The following BAIAP2L2 variants were observed in gnomAD, a reference collection of about 807,000 sequenced individuals.
The protein encoded by BAIAP2L2 is BAR/IMD domain containing adaptor protein 2 like 2.
BAIAP2L2 carries 65 observed loss-of-function variants against 60.4 expected under a neutral mutation model. The observed-to-expected ratio is 1.08, with a 90% CI of 0.88 to 1.32. The LOEUF (loss-of-function observed/expected upper bound fraction) is 1.32. Among genes scored for constraint, BAIAP2L2 ranks in the 40% most tolerant of loss-of-function variants. The pLI, the probability that BAIAP2L2 is intolerant of heterozygous loss-of-function variation, is 0.00. For missense variants in BAIAP2L2, 836 were observed against 741.2 expected (o/e 1.13, Z -1.48); for synonymous variants, 344 against 301.7 (o/e 1.14, Z -1.45).
intron 4 of BAIAP2L2, among the ~76,000 whole-genome samples, chr22:38,101,325 G>A (rs1400027152): frequency 7.4e-6 from 1 of 134,724 alleles, no homozygotes; most frequent in Non-Finnish European, 1.5e-5. Context: ...TCGAGCCCAA[G>A]AGTTCCAGAC....
chr22:38,104,718 G>A (rs1486753575), intron 4 of BAIAP2L2, among the ~76,000 whole-genome samples: 1 of 152,092 alleles, frequency 6.6e-6, no homozygotes, highest in East Asian at 1.9e-4. Flanking sequence ...GGATGGTCTT[G>A]ATTTCCTGAC....
At chr22:38,105,412 T>C (rs1429614888) in intron 4 of BAIAP2L2, among the ~76,000 whole-genome samples, 2 of 150,154 alleles carry the variant, frequency 1.3e-5, no homozygotes, top group African/African-American at 4.9e-5. Flanking sequence ...CGATCTCTGC[T>C]CACTGCAACC....
chr22:38,088,722 C>A, intron 10 of BAIAP2L2, 26 bp downstream of exon 10: 1 of 1,518,974 alleles, frequency 6.6e-7, no homozygotes. Flanking sequence ...CAACCCACCC[C>A]CGGCCCCTCC....
intron 4 of BAIAP2L2, among the ~76,000 whole-genome samples, chr22:38,100,446 A>C (rs1429328381): frequency 6.6e-6 from 1 of 151,976 alleles, no homozygotes; most frequent in African/African-American, 2.4e-5. Context: ...GAATCGCTTG[A>C]ACCCTAGGGG....
chr22:38,107,907 A>G lies in BAIAP2L2; in HGVS notation c.221T>C (p.Ile74Thr). The change falls in exon 4 of 14, where the codon ATC (isoleucine) becomes ACC (threonine). Residue 74 changes from isoleucine to threonine, a missense_variant. Transcript: ENST00000381669. ...QSPTSQILGE[I>T]LVQMSDTQRH... ...CTGGGTGTCAGACATCTGCACCAAG[A>G]TCTCCCCTGGAGGCATGGATGCAGC... The G allele has an allele frequency of 1.2e-6, 2 of 1,613,338 alleles. No individual in the cohort carries two copies. Among genetic ancestry groups the G allele is most frequent in the East Asian group, 2.2e-5 (1 of 44,870 alleles).
Position 38,110,596 on chromosome 22 carries a change from G to A in BAIAP2L2, c.-71C>T, listed in dbSNP as rs931594160. On this transcript the variant is annotated 5_prime_UTR_variant, in exon 1 of 14. Transcript: ENST00000381669. Reference sequence around the variant, plus strand: ...GATGGCACAGCCGGGAGCAGTGGTAGGTAGTCCCTCAGGTGCCCACGACTC... The same window carrying A: ...GATGGCACAGCCGGGAGCAGTGGTAAGTAGTCCCTCAGGTGCCCACGACTC... 74 of 1,363,804 alleles carry A rather than the reference G, an allele frequency of 5.4e-5. 1 individual carries two copies. Among genetic ancestry groups the A allele is most frequent in the Non-Finnish European group, 7.3e-5 (72 of 988,040 alleles). 84.5% of individuals were successfully genotyped at this position (1,363,804 alleles called of 1,614,324 possible).
rs768002769 is a variant in BAIAP2L2, at chr22:38,085,283, C to G, written c.*17G>C. On this transcript the variant is annotated 3_prime_UTR_variant, in exon 14 of 14. Transcript: ENST00000381669. ...CCCTGGGCAGGTGCACTGTGGGGTA[C>G]GACCTCGGACCCCGCCTCAGCGGAT... is the stretch of plus-strand genomic sequence containing the variant. 1.9e-6 allele frequency: 3 copies of G among 1,612,214 alleles called. No individual in the cohort carries two copies. Among genetic ancestry groups the G allele is most frequent in the Middle Eastern group, 1.6e-4 (1 of 6,070 alleles).
chr22:38,097,233 C>A lies in BAIAP2L2; in HGVS notation c.466-55G>T, dbSNP rs1369874916. On this transcript the variant is annotated intron_variant, in intron 6 of 13. Transcript: ENST00000381669. The stretch of plus-strand genomic sequence containing the variant: ...GCGGTGGGTGTGTCTCATCCCACCC[C>A]CCTCGCCCACAGGCGCCAGCTGTTC... The A allele has an allele frequency of 3.8e-6, 6 of 1,588,478 alleles. No homozygotes were observed. The African/African-American group carries it at 4.0e-5, about 11-fold the overall frequency.
At chr22:38,107,693 C>T (rs1048692155) in intron 4 of BAIAP2L2, among the ~76,000 whole-genome samples, 159 bp downstream of exon 4, 5 of 152,116 alleles carry the variant, frequency 3.3e-5, no homozygotes, top group Non-Finnish European at 7.4e-5. Context: ...GAGGCTTGAA[C>T]GACTATTGCA....
intron 4 of BAIAP2L2, among the ~76,000 whole-genome samples, chr22:38,106,374 G>A (rs1042452464): frequency 6.6e-6 from 1 of 151,960 alleles, no homozygotes; most frequent in Admixed American, 6.6e-5. Flanking sequence ...AAAAAAATTA[G>A]CCAGGCATGA....
At chr22:38,107,785 C>T in intron 4 of BAIAP2L2, 67 bp downstream of exon 4, 2 of 1,466,914 alleles carry the variant, frequency 1.4e-6, no homozygotes, top group South Asian at 1.1e-5. Context: ...GTAGGCTGGG[C>T]CCTCTCCTTG....
intron 2 of BAIAP2L2, among the ~76,000 whole-genome samples, chr22:38,108,721 G>A (rs1202425754): frequency 6.6e-6 from 1 of 152,088 alleles, no homozygotes; most frequent in Non-Finnish European, 1.5e-5. Flanking sequence ...GTGGCCAGTT[G>A]AAGTGAGGAA....
At chr22:38,101,444 G>A (rs563285512) in intron 4 of BAIAP2L2, among the ~76,000 whole-genome samples, 2 of 149,322 alleles carry the variant, frequency 1.3e-5, no homozygotes, top group East Asian at 3.9e-4. Flanking sequence ...CTACTTGGGA[G>A]GCTGAGGTGA....
intron 8 of BAIAP2L2, 128 bp from the exon 9 acceptor site, chr22:38,089,359 A>G: frequency 3.7e-6 from 2 of 533,444 alleles, no homozygotes; most frequent in African/African-American, 2.2e-5. Flanking sequence ...CCGGGCCACC[A>G]CGGGGGCGCG....
At chr22:38,088,718 A>G in intron 10 of BAIAP2L2, 30 bp downstream of exon 10, 253 of 862,950 alleles carry the variant, frequency 2.9e-4, no homozygotes, top group Non-Finnish European at 4.0e-4. Context: ...TTCTCAACCC[A>G]CCCCCGGCCC....
At chr22:38,088,676 A>T in intron 10 of BAIAP2L2, 72 bp downstream of exon 10, 1 of 1,441,870 alleles carries the variant, frequency 6.9e-7, no homozygotes, top group Non-Finnish European at 9.2e-7. Flanking sequence ...TCAGTCCGGC[A>T]GGTCCCCGGG....
At chr22:38,097,995 G>T in intron 6 of BAIAP2L2, 68 bp downstream of exon 6, 2 of 1,128,874 alleles carry the variant, frequency 1.8e-6, no homozygotes. Context: ...GGTTCCCAGG[G>T]CCCGGTCTCG....
intron 7 of BAIAP2L2, among the ~76,000 whole-genome samples, chr22:38,095,024 C>T (rs903221018): frequency 1.3e-5 from 2 of 152,076 alleles, no homozygotes; most frequent in African/African-American, 4.8e-5. Flanking sequence ...TGGTGGCGCA[C>T]ACCTGTAATC....
At chr22:38,106,741 A>G (rs558944604) in intron 4 of BAIAP2L2, among the ~76,000 whole-genome samples, 2 of 152,190 alleles carry the variant, frequency 1.3e-5, no homozygotes, top group African/African-American at 4.8e-5. Flanking sequence ...GCCCTGGCTC[A>G]TGCCTGCCTG....
Sources: allele counts gnomAD v4.1 joint callset (sites outside exome capture counted in the v4.1 genomes callset), GRCh38; gene constraint gnomAD v4.1.1; transcripts MANE v1.5; gene names NCBI Gene and HGNC (gene_info 2026-07-23, HGNC 2026-07-21).